Variants in AUTS2 observed in about 807,000 individuals in gnomAD.
AUTS2 encodes the protein autism susceptibility gene 2 protein.
A neutral mutation model predicts 112.4 loss-of-function variants in AUTS2; 17 were observed. The observed-to-expected ratio is 0.15, with a 90% confidence interval of 0.10 to 0.23. The LOEUF (loss-of-function observed/expected upper bound fraction) is 0.23, where lower values mean the gene tolerates loss of function less well. Ranked by LOEUF, AUTS2 falls within the 10% of genes least tolerant of loss-of-function variation. The probability of loss-of-function intolerance (pLI) is 1.00; values close to 1 mark genes in which losing one functional copy is unlikely to be tolerated. For synonymous variants in AUTS2, 751 were observed against 702.7 expected (o/e 1.07, Z -1.09); for missense variants, 1,510 against 1,701.6 (o/e 0.89, Z 1.98).
chr7:70,171,988 G>T (rs1808725207), intron 4 of AUTS2, among the ~76,000 whole-genome samples: 1 of 151,958 alleles, frequency 6.6e-6, no homozygotes, highest in Non-Finnish European at 1.5e-5. Flanking sequence ...GCATTTCTGG[G>T]GTCAGATGAT....
intron 4 of AUTS2, chr7:70,290,805 C>A: frequency 2.7e-6 from 1 of 370,234 alleles, no homozygotes; most frequent in Non-Finnish European, 4.2e-6. Context: ...TGCCAAGAAG[C>A]AAAGTCATTA....
chr7:70,294,111 A>T (rs1391233981), intron 4 of AUTS2: 1 of 152,184 alleles, frequency 6.6e-6, no homozygotes, highest in African/African-American at 2.4e-5. Context: ...AGGCTGCAGA[A>T]CCTACCTGAA....
intron 2 of AUTS2, among the ~76,000 whole-genome samples, chr7:69,979,080 A>T (rs1334725148): frequency 6.6e-6 from 1 of 152,216 alleles, no homozygotes; most frequent in East Asian, 1.9e-4. Flanking sequence ...GACTGCATGT[A>T]AACTGTTAGT....
chr7:69,669,351 T>C (rs527998402), intron 1 of AUTS2, among the ~76,000 whole-genome samples: 10 of 152,206 alleles, frequency 6.6e-5, no homozygotes, highest in Non-Finnish European at 1.5e-4. Flanking sequence ...GTATGTACAA[T>C]ATATATGTGT....
chr7:70,296,443 T>C (rs1304496297), intron 4 of AUTS2, among the ~76,000 whole-genome samples: 1 of 152,236 alleles, frequency 6.6e-6, no homozygotes, highest in Non-Finnish European at 1.5e-5. Flanking sequence ...TTTACTACTC[T>C]TTTTATGTAT....
At chr7:69,618,346 C>T (rs1793487966) in intron 1 of AUTS2, among the ~76,000 whole-genome samples, 1 of 152,196 alleles carries the variant, frequency 6.6e-6, no homozygotes, top group East Asian at 1.9e-4. Flanking sequence ...GAGGATTTCA[C>T]AGCCAGTCTG....
At chr7:70,219,300 G>A (rs1298870480) in intron 4 of AUTS2, among the ~76,000 whole-genome samples, 1 of 152,180 alleles carries the variant, frequency 6.6e-6, no homozygotes, top group Non-Finnish European at 1.5e-5. Context: ...CCTCTGCCAT[G>A]ATTTTATTTT....
intron 4 of AUTS2, among the ~76,000 whole-genome samples, chr7:70,319,161 CA>C (rs1156255618): frequency 6.6e-6 from 1 of 151,686 alleles, no homozygotes; most frequent in East Asian, 1.9e-4. Context: ...TAATAAAGTG[CA>C]AAAAAAATGA....
intron 6 of AUTS2, among the ~76,000 whole-genome samples, chr7:70,706,258 A>G (rs946490753): frequency 1.3e-5 from 2 of 152,182 alleles, no homozygotes; most frequent in African/African-American, 2.4e-5. Flanking sequence ...AGGAGTCCCC[A>G]TCGTGGTTAT....
intron 4 of AUTS2, among the ~76,000 whole-genome samples, chr7:70,389,110 C>T (rs1793737911): frequency 6.6e-6 from 1 of 152,134 alleles, no homozygotes; most frequent in South Asian, 2.1e-4. Flanking sequence ...CTTTTTAGGT[C>T]AGCACTGTGT....
At chr7:69,721,606 G>A (rs1003841848) in intron 1 of AUTS2, among the ~76,000 whole-genome samples, 2 of 152,180 alleles carry the variant, frequency 1.3e-5, no homozygotes, top group African/African-American at 2.4e-5. Flanking sequence ...TGAGAATGAA[G>A]AATACAGGAC....
intron 2 of AUTS2, among the ~76,000 whole-genome samples, chr7:70,044,480 T>A (rs1420694888): frequency 6.6e-6 from 1 of 152,176 alleles, no homozygotes; most frequent in East Asian, 1.9e-4. Context: ...GTCAATTGCT[T>A]TTTACTGAGT....
chr7:70,777,282 C>A, intron 14 of AUTS2, 108 bp downstream of exon 14: 1 of 987,930 alleles, frequency 1.0e-6, no homozygotes, highest in South Asian at 1.4e-5. Context: ...TTTACAGACC[C>A]ATAGTTAGGA....
intron 4 of AUTS2, among the ~76,000 whole-genome samples, chr7:70,416,372 A>G (rs1346118004): frequency 6.6e-6 from 1 of 152,106 alleles, no homozygotes; most frequent in Non-Finnish European, 1.5e-5. Context: ...GAAGTCCCCC[A>G]CTAGTGAGCA....
intron 5 of AUTS2, among the ~76,000 whole-genome samples, chr7:70,546,851 G>A (rs980655163): frequency 6.6e-6 from 1 of 152,056 alleles, no homozygotes; most frequent in Non-Finnish European, 1.5e-5. Context: ...GAAATCCAAA[G>A]ACGTCTTATG....
chr7:70,728,474 C>T (rs1388072274), intron 6 of AUTS2, among the ~76,000 whole-genome samples: 3 of 151,852 alleles, frequency 2.0e-5, no homozygotes, highest in Non-Finnish European at 1.5e-5. Context: ...TTTGGGAGGC[C>T]GACACGGGTG....
intron 4 of AUTS2, among the ~76,000 whole-genome samples, chr7:70,320,139 G>A (rs1790185184): frequency 6.6e-6 from 1 of 152,196 alleles, no homozygotes; most frequent in South Asian, 2.1e-4. Context: ...AATATATGCA[G>A]TTAGTTAGAA....
intron 5 of AUTS2, among the ~76,000 whole-genome samples, chr7:70,597,195 T>C (rs1356530535): frequency 6.6e-6 from 1 of 152,192 alleles, no homozygotes; most frequent in Non-Finnish European, 1.5e-5. Context: ...ATGTAACAGC[T>C]TGGGCCAAGC....
chr7:70,511,063 A>G (rs1799162573), intron 5 of AUTS2, among the ~76,000 whole-genome samples: 1 of 152,026 alleles, frequency 6.6e-6, no homozygotes, highest in South Asian at 2.1e-4. Flanking sequence ...TGGTCAGGCT[A>G]GTCTGGAACT....
Sources: allele counts gnomAD v4.1 joint callset (sites outside exome capture counted in the v4.1 genomes callset), GRCh38; gene constraint gnomAD v4.1.1; transcripts MANE v1.5; gene names NCBI Gene and HGNC (gene_info 2026-07-23, HGNC 2026-07-21).